Variants in TIAM1 observed in about 807,000 individuals in gnomAD.
TIAM1 encodes rho guanine nucleotide exchange factor TIAM1.
Under a neutral mutation model 163.5 loss-of-function variants are expected in TIAM1, and 65 were observed. The ratio of observed to expected loss-of-function variants is 0.40; its 90% confidence interval spans 0.33 to 0.49. The LOEUF (loss-of-function observed/expected upper bound fraction) is 0.49. Ranked by LOEUF, TIAM1 falls within the 20% of genes least tolerant of loss-of-function variation. TIAM1 has a pLI of 0.77. For synonymous variants in TIAM1, 833 were observed against 810.1 expected, an observed-to-expected ratio of 1.03 and a Z score of -0.48; for missense variants, 1,789 against 2,044.7, an observed-to-expected ratio of 0.87 and a Z score of 2.41.
intron 4 of TIAM1, among the ~76,000 whole-genome samples, chr21:31,260,536 G>A (rs1309490615): frequency 6.6e-6 from 1 of 151,806 alleles, no homozygotes; most frequent in Non-Finnish European, 1.5e-5. Context: ...TCTAAGAATG[G>A]CTAACATAAG....
chr21:31,505,446 A>C (rs1602441384), intron 1 of TIAM1, among the ~76,000 whole-genome samples: 2 of 152,234 alleles, frequency 1.3e-5, no homozygotes, highest in African/African-American at 4.8e-5. Flanking sequence ...AAAAAAAGTA[A>C]ATGTATTCTT....
chr21:31,209,993 G>A (rs901208627), intron 11 of TIAM1, 52 bp downstream of exon 11: 1 of 1,568,248 alleles, frequency 6.4e-7, no homozygotes, highest in African/African-American at 1.4e-5. Flanking sequence ...TTAGAAGATT[G>A]CTACACCCCA....
At chr21:31,307,733 G>A (rs2074769565) in intron 2 of TIAM1, among the ~76,000 whole-genome samples, 1 of 152,102 alleles carries the variant, frequency 6.6e-6, no homozygotes, top group African/African-American at 2.4e-5. Flanking sequence ...GATGCCTCTG[G>A]ACAAGTGAGG....
chr21:31,175,687 C>T (rs2084728141), intron 15 of TIAM1, among the ~76,000 whole-genome samples: 1 of 152,116 alleles, frequency 6.6e-6, no homozygotes, highest in Admixed American at 6.5e-5. Flanking sequence ...CAACCTCTGC[C>T]TCCCAGGTTC....
chr21:31,375,634 T>C (rs8128475), intron 2 of TIAM1, among the ~76,000 whole-genome samples: 11,591 of 152,188 alleles, frequency 0.076, 1,115 homozygotes, highest in African/African-American at 0.23. Context: ...AGCCAGGCAC[T>C]AAATAGAAAC....
intron 2 of TIAM1, among the ~76,000 whole-genome samples, chr21:31,387,771 G>A (rs1390627963): frequency 6.6e-6 from 1 of 152,104 alleles, no homozygotes; most frequent in Non-Finnish European, 1.5e-5. Context: ...CACTTGGGGA[G>A]GAGGTGGGCC....
At chr21:31,361,515 T>C (rs1235158159) in intron 2 of TIAM1, among the ~76,000 whole-genome samples, 2 of 152,166 alleles carry the variant, frequency 1.3e-5, no homozygotes, top group East Asian at 3.8e-4. Flanking sequence ...CAGTCACGTG[T>C]TGTGCACTGT....
chr21:31,219,024 CT>C (rs35555743), intron 8 of TIAM1, among the ~76,000 whole-genome samples: 4,997 of 88,360 alleles, frequency 0.057, 41 homozygotes, highest in East Asian at 0.19. Context: ...GAAGCATTTC[CT>C]TTTTTTTTTT....
intron 2 of TIAM1, among the ~76,000 whole-genome samples, chr21:31,398,158 C>CAAAAAA (rs34895602): frequency 1.9e-5 from 1 of 52,494 alleles, no homozygotes. Context: ...ATCTTCAGGG[C>CAAAAAA]AAAAAAAAAA....
intron 11 of TIAM1, among the ~76,000 whole-genome samples, chr21:31,209,759 T>G (rs1328013664): frequency 6.6e-6 from 1 of 152,204 alleles, no homozygotes; most frequent in Non-Finnish European, 1.5e-5. Context: ...ACCTAGATTT[T>G]CTAAAAGGTT....
chr21:31,230,959 A>G lies in TIAM1; in HGVS notation c.1585-5009T>C, dbSNP rs144269923. On this transcript the variant is annotated intron_variant, in intron 6 of 27. Coordinates refer to ENST00000541036, the MANE Select transcript of TIAM1 (RefSeq NM_001353694.2). ...CTGGGATTACAGGCATGACCATTCA[A>G]TATTTTGAGCTCTTCTCATTCTAGG... 8.7e-3 allele frequency among the ~76,000 whole-genome samples: 1,326 copies of G among 152,210 alleles called. 15 individuals carry two copies. The highest frequency in any genetic ancestry group is 0.03 in the African/African-American group (1,257 of 41,546).
intron 1 of TIAM1, among the ~76,000 whole-genome samples, chr21:31,542,967 CAAAATAAATAA>C (rs1337523307): frequency 2.0e-5 from 3 of 151,918 alleles, no homozygotes; most frequent in African/African-American, 4.8e-5. Flanking sequence ...GACTCCATCT[CAAAATAAATAA>C]AAAATAAATA....
intron 7 of TIAM1, among the ~76,000 whole-genome samples, chr21:31,224,370 A>T (rs2087805523): frequency 6.6e-6 from 1 of 152,236 alleles, no homozygotes; most frequent in Admixed American, 6.5e-5. Flanking sequence ...GAAATGGCCA[A>T]TAAACAAACC....
chr21:31,315,294 C>T (rs2075072122), intron 2 of TIAM1, among the ~76,000 whole-genome samples: 1 of 151,984 alleles, frequency 6.6e-6, no homozygotes, highest in African/African-American at 2.4e-5. Flanking sequence ...GCGGGCAGAT[C>T]ACGAGGTCAG....
intron 2 of TIAM1, among the ~76,000 whole-genome samples, chr21:31,353,309 ATT>A (rs2076264466): frequency 6.6e-6 from 1 of 152,216 alleles, no homozygotes; most frequent in African/African-American, 2.4e-5. Flanking sequence ...ACTCGCAGTA[ATT>A]TCAGCAGTTA....
At chr21:31,215,510 G>A (rs1281696731) in intron 9 of TIAM1, among the ~76,000 whole-genome samples, 1 of 144,550 alleles carries the variant, frequency 6.9e-6, no homozygotes, top group Admixed American at 7.2e-5. Context: ...GCAATGAGCT[G>A]AGATCGCGCC....
chr21:31,182,949 C>T (rs1208571432), intron 14 of TIAM1, among the ~76,000 whole-genome samples: 1 of 152,182 alleles, frequency 6.6e-6, no homozygotes, highest in Non-Finnish European at 1.5e-5. Flanking sequence ...TAATTAATTC[C>T]GGTTATCTTC....
chr21:31,153,897 C>A (rs1601319550), intron 17 of TIAM1, among the ~76,000 whole-genome samples: 1 of 149,642 alleles, frequency 6.7e-6, no homozygotes, highest in Non-Finnish European at 1.5e-5. Flanking sequence ...CTCCTCTCTA[C>A]AAAAAAAAAC....
chr21:31,530,749 G>A (rs73199532), intron 1 of TIAM1, among the ~76,000 whole-genome samples: 11,535 of 152,122 alleles, frequency 0.076, 560 homozygotes, highest in Non-Finnish European at 0.1. Context: ...CCAAGACCCC[G>A]GACCCCTGGC....
Sources: allele counts gnomAD v4.1 joint callset (sites outside exome capture counted in the v4.1 genomes callset), GRCh38; gene constraint gnomAD v4.1.1; transcripts MANE v1.5; gene names NCBI Gene and HGNC (gene_info 2026-07-23, HGNC 2026-07-21).